The following NREP variants were observed in gnomAD, a reference collection of about 807,000 sequenced individuals.
NREP encodes neuronal regeneration related protein.
Under a neutral mutation model 8.6 loss-of-function variants are expected in NREP, and 5 were observed. The observed-to-expected ratio is 0.58, with a 90% CI of 0.30 to 1.22. The LOEUF is 1.22. Among genes scored for constraint, NREP ranks in the 50% most tolerant of loss-of-function variants. NREP has a pLI of 0.07. For synonymous variants in NREP, 27 were observed against 28.0 expected, an observed-to-expected ratio of 0.96 and a Z score of 0.11; for missense variants, 86 against 82.5, an observed-to-expected ratio of 1.04 and a Z score of -0.17.
intron 2 of NREP, among the ~76,000 whole-genome samples, chr5:111,860,314 A>G (rs1247254578): frequency 1.3e-5 from 2 of 152,130 alleles, no homozygotes; most frequent in Admixed American, 6.6e-5. Flanking sequence ...CCTAGAGCCA[A>G]CATTTCAGCA....
intron 2 of NREP, among the ~76,000 whole-genome samples, chr5:111,922,385 G>A (rs1410121306): frequency 6.6e-6 from 1 of 152,096 alleles, no homozygotes; most frequent in Non-Finnish European, 1.5e-5. Flanking sequence ...TTATTTTATT[G>A]ATTAATACTG....
chr5:111,798,824 G>C (rs966866327), intron 2 of NREP, among the ~76,000 whole-genome samples: 2 of 150,340 alleles, frequency 1.3e-5, no homozygotes, highest in Non-Finnish European at 2.9e-5. Context: ...TCCACTCATT[G>C]ATCGATGGGC....
chr5:111,800,027 C>G (rs572219970), intron 2 of NREP, among the ~76,000 whole-genome samples: 2 of 152,182 alleles, frequency 1.3e-5, no homozygotes, highest in Non-Finnish European at 2.9e-5. Flanking sequence ...TCAAGTGATT[C>G]TCCTGCCTCA....
intron 2 of NREP, among the ~76,000 whole-genome samples, chr5:111,809,695 C>T (rs796827310): frequency 5.3e-5 from 8 of 152,266 alleles, no homozygotes; most frequent in African/African-American, 1.2e-4. Flanking sequence ...GCCAAGGCCA[C>T]GCCCTTGAAC....
At chr5:111,798,410 T>C (rs1751921139) in intron 2 of NREP, among the ~76,000 whole-genome samples, 1 of 152,110 alleles carries the variant, frequency 6.6e-6, no homozygotes. Flanking sequence ...GAACAGGTGG[T>C]ATTTGGTTAC....
chr5:111,764,525 T>C (rs138903200), intron 2 of NREP, among the ~76,000 whole-genome samples: 2 of 152,280 alleles, frequency 1.3e-5, no homozygotes, highest in African/African-American at 4.8e-5. Context: ...TTAGATCTTG[T>C]GAGACTTATT....
intron 2 of NREP, among the ~76,000 whole-genome samples, chr5:111,907,869 C>T (rs1430779798): frequency 2.0e-5 from 3 of 151,996 alleles, no homozygotes; most frequent in African/African-American, 7.2e-5. Context: ...GCTTACTATA[C>T]CTGTAGGAAT....
intron 2 of NREP, among the ~76,000 whole-genome samples, chr5:111,954,679 A>G (rs1045003309): frequency 6.6e-6 from 1 of 152,174 alleles, no homozygotes; most frequent in Non-Finnish European, 1.5e-5. Context: ...GAACAGAGAT[A>G]CAAAGCAGGA....
At chr5:111,804,748 T>A (rs1752099582) in intron 2 of NREP, among the ~76,000 whole-genome samples, 1 of 150,962 alleles carries the variant, frequency 6.6e-6, no homozygotes, top group African/African-American at 2.4e-5. Context: ...ACGCCTGTAG[T>A]CCCAGCACTT....
At chr5:111,828,675 GTGT>G (rs1752686958) in intron 2 of NREP, among the ~76,000 whole-genome samples, 1 of 151,996 alleles carries the variant, frequency 6.6e-6, no homozygotes, top group Non-Finnish European at 1.5e-5. Context: ...TGGTGGAGTG[GTGT>G]TATTATTAAT....
At chr5:111,846,342 TTC>T (rs1753165994) in intron 2 of NREP, 1 of 153,622 alleles carries the variant, frequency 6.5e-6, no homozygotes, top group African/African-American at 2.4e-5. Flanking sequence ...CATTTTTAGT[TTC>T]TCTGTTTTCT....
intron 2 of NREP, among the ~76,000 whole-genome samples, chr5:111,880,417 T>C (rs1227242590): frequency 6.6e-6 from 1 of 152,196 alleles, no homozygotes; most frequent in Non-Finnish European, 1.5e-5. Flanking sequence ...AGATCAAATA[T>C]GTCAGCAGGT....
chr5:111,749,122 A>G (rs754708233), intron 2 of NREP, among the ~76,000 whole-genome samples: 115 of 152,252 alleles, frequency 7.6e-4, no homozygotes, highest in Non-Finnish European at 1.6e-3. Flanking sequence ...AGAAAATACA[A>G]TCCACTATGG....
At chr5:111,769,920 C>T (rs906089170) in intron 2 of NREP, among the ~76,000 whole-genome samples, 2 of 152,116 alleles carry the variant, frequency 1.3e-5, no homozygotes, top group East Asian at 1.9e-4. Flanking sequence ...GACACAGAGC[C>T]AAACGCCAAA....
At chr5:111,744,508 C>A (rs1221196134) in intron 2 of NREP, among the ~76,000 whole-genome samples, 1 of 152,032 alleles carries the variant, frequency 6.6e-6, no homozygotes, top group Admixed American at 6.5e-5. Context: ...CACTAAGAGG[C>A]TTCTAAGAAA....
chr5:111,933,376 G>C (rs1281266895), intron 2 of NREP, among the ~76,000 whole-genome samples: 2 of 152,038 alleles, frequency 1.3e-5, no homozygotes, highest in Non-Finnish European at 2.9e-5. Context: ...ATCTTAAAAG[G>C]GATCTCCAAA....
At chr5:111,791,671 C>G (rs1751750883) in intron 2 of NREP, among the ~76,000 whole-genome samples, 1 of 152,096 alleles carries the variant, frequency 6.6e-6, no homozygotes, top group South Asian at 2.1e-4. Context: ...CAGGGTTTCT[C>G]TGTGTTGCCC....
chr5:111,963,671 G>T (rs1480764437), intron 2 of NREP, among the ~76,000 whole-genome samples: 1 of 152,130 alleles, frequency 6.6e-6, no homozygotes. Flanking sequence ...TAGTTTGTGA[G>T]CTTGAAAAAG....
chr5:111,758,452 C>T (rs1750868851), upstream of NREP, among the ~76,000 whole-genome samples: 1 of 152,188 alleles, frequency 6.6e-6, no homozygotes, highest in Admixed American at 6.5e-5. Context: ...TCTATCTTTT[C>T]ATAGTAATGT....
Sources: gnomAD v4.1 joint callset for allele counts (sites outside exome capture counted in the v4.1 genomes callset) on GRCh38, gnomAD v4.1.1 for gene constraint, MANE v1.5 for transcripts, NCBI Gene and HGNC (gene_info 2026-07-23, HGNC 2026-07-21) for gene names.